Variants in DNAH14 observed in about 807,000 individuals in gnomAD.
The protein encoded by DNAH14 is dynein axonemal heavy chain 14, also known as axonemal beta dynein heavy chain 14.
DNAH14 carries 478 observed loss-of-function variants against 520.9 expected under a neutral mutation model. That is an observed-to-expected ratio of 0.92 (90% CI 0.85 to 0.99). DNAH14 has a LOEUF of 0.99. Among genes scored for constraint, DNAH14 ranks in the 50% least tolerant of loss-of-function variants. The probability of loss-of-function intolerance (pLI) is 0.00; values close to 1 mark genes in which losing one functional copy is unlikely to be tolerated. For missense variants in DNAH14, 4,831 were observed against 5,234.5 expected (o/e 0.92, Z 2.38); for synonymous variants, 1,581 against 1,757.2 (o/e 0.90, Z 2.51).
chr1:225,364,797 A>G lies in DNAH14; in HGVS notation c.11993A>G (p.Asn3998Ser), dbSNP rs778532331. Residue 3998 changes from asparagine to serine, a missense_variant, in exon 76 of 86, where the codon AAT becomes AGT. By Grantham distance (46) the Asn-to-Ser change is conservative. Coordinates refer to ENST00000682510, the MANE Select transcript of DNAH14 (RefSeq NM_001367479.1). ...PRLCTIVESF[N>S]SPNVTIDPEF... ...ATAAATTTTTTATTTTGCAGTTTTAATAGTCCAAACGTGACAATAGACCCT... is the reference window on the plus strand; with the variant it reads ...ATAAATTTTTTATTTTGCAGTTTTAGTAGTCCAAACGTGACAATAGACCCT... The G allele has an allele frequency of 9.7e-5, 148 of 1,531,364 alleles. No homozygotes were observed. Among genetic ancestry groups the G allele is most frequent in the Non-Finnish European group, 1.3e-4 (144 of 1,140,392 alleles). The allele number at this position is 1,531,364 out of a possible 1,614,324, so 94.9% of individuals were successfully genotyped here.
intron 48 of DNAH14, among the ~76,000 whole-genome samples, chr1:225,266,132 T>G (rs1021130149): frequency 6.6e-6 from 1 of 152,166 alleles, no homozygotes; most frequent in Non-Finnish European, 1.5e-5. Flanking sequence ...GAAATGTGTC[T>G]GAATTTTCTG....
At chr1:224,994,793 C>T (rs950537484) in intron 8 of DNAH14, among the ~76,000 whole-genome samples, 1 of 151,894 alleles carries the variant, frequency 6.6e-6, no homozygotes, top group East Asian at 1.9e-4. Context: ...TCTGTAGTGG[C>T]ATGCTTTGAA....
chr1:225,010,521 A>G (rs2064630188), intron 10 of DNAH14, among the ~76,000 whole-genome samples: 1 of 152,070 alleles, frequency 6.6e-6, no homozygotes, highest in Non-Finnish European at 1.5e-5. Context: ...GGATTTTTGC[A>G]TCGATGTTCA....
intron 21 of DNAH14, among the ~76,000 whole-genome samples, chr1:225,088,545 C>G (rs964652770): frequency 1.3e-5 from 2 of 151,912 alleles, no homozygotes; most frequent in African/African-American, 4.8e-5. Context: ...TTCAGACAAC[C>G]TACTAGACAA....
chr1:225,330,155 A>G (rs1243508011), intron 64 of DNAH14, among the ~76,000 whole-genome samples: 1 of 152,160 alleles, frequency 6.6e-6, no homozygotes, highest in Non-Finnish European at 1.5e-5. Flanking sequence ...GGCAATAACA[A>G]AATGCTGACA....
chr1:225,086,290 G>A (rs914650580), intron 21 of DNAH14, among the ~76,000 whole-genome samples: 3 of 113,512 alleles, frequency 2.6e-5, no homozygotes, highest in African/African-American at 2.7e-5. Flanking sequence ...CCGCCACGAC[G>A]CCCGGCTAAT....
intron 60 of DNAH14, among the ~76,000 whole-genome samples, chr1:225,311,879 G>A (rs886630085): frequency 2.0e-5 from 3 of 152,178 alleles, no homozygotes; most frequent in Non-Finnish European, 2.9e-5. Flanking sequence ...CAGGTAGCGT[G>A]ATGCCTCCAG....
intron 8 of DNAH14, among the ~76,000 whole-genome samples, chr1:224,992,778 G>T (rs972149268): frequency 2.0e-5 from 3 of 151,834 alleles, no homozygotes; most frequent in Non-Finnish European, 4.4e-5. Context: ...CCTTGTTTTG[G>T]GTCTCAGAAA....
intron 81 of DNAH14, among the ~76,000 whole-genome samples, chr1:225,384,025 A>G (rs2095810200): frequency 6.6e-6 from 1 of 152,222 alleles, no homozygotes; most frequent in Non-Finnish European, 1.5e-5. Context: ...CAGGATGTTC[A>G]GTTTCCATGT....
chr1:225,277,658 G>T (rs1267965992), intron 54 of DNAH14, among the ~76,000 whole-genome samples, 156 bp downstream of exon 54: 2 of 152,210 alleles, frequency 1.3e-5, no homozygotes, highest in East Asian at 3.8e-4. Context: ...TCTGCAGTTT[G>T]CATATGAAAT....
In DNAH14 at chr1:225,023,651, T is replaced by C; in HGVS notation, c.1144T>C (p.Ser382Pro). The C allele has an allele frequency of 1.9e-6, 3 of 1,545,528 alleles. No individual in the cohort carries two copies. The highest frequency in any genetic ancestry group is 2.6e-6 in the Non-Finnish European group (3 of 1,143,374). ...EKNEIKEYFESKLSEDDTTHF... is the reference protein window; with the variant it reads ...EKNEIKEYFEPKLSEDDTTHF... ...GAATGAAATCAAAGAGTATTTTGAGTCAAAACTCTCTGAAGATGACACAAC... is the reference window on the plus strand; with the variant it reads ...GAATGAAATCAAAGAGTATTTTGAGCCAAAACTCTCTGAAGATGACACAAC... Residue 382 changes from serine to proline, a missense_variant, in exon 11 of 86, where the codon TCA (serine) becomes CCA (proline). Ser to Pro is a moderately conservative substitution (Grantham distance 74). Transcript: ENST00000682510.
chr1:225,000,721 A>G (rs1467830745), intron 8 of DNAH14, among the ~76,000 whole-genome samples: 1 of 151,432 alleles, frequency 6.6e-6, no homozygotes, highest in Non-Finnish European at 1.5e-5. Context: ...TGGATTGCAT[A>G]ATTTATGTTT....
At chr1:225,335,353 G>A (rs755630340) in intron 66 of DNAH14, among the ~76,000 whole-genome samples, 1 of 39,416 alleles carries the variant, frequency 2.5e-5, no homozygotes, top group African/African-American at 1.2e-4. Context: ...GTGTGTATAT[G>A]CATATACACG....
chr1:224,943,391 CTTT>C (rs59263989), intron 1 of DNAH14, among the ~76,000 whole-genome samples: 13,890 of 151,934 alleles, frequency 0.091, 2,025 homozygotes, highest in African/African-American at 0.31. Context: ...CTCTTTTCTT[CTTT>C]ATTAGTCTTG....
intron 69 of DNAH14, among the ~76,000 whole-genome samples, chr1:225,343,326 T>C (rs564683675): frequency 1.1e-4 from 16 of 152,308 alleles, no homozygotes; most frequent in African/African-American, 3.6e-4. Flanking sequence ...TACAACTGCC[T>C]TAGTTTGGGG....
chr1:224,935,964 C>T (rs1459044501), intron 1 of DNAH14, among the ~76,000 whole-genome samples: 1 of 151,522 alleles, frequency 6.6e-6, no homozygotes, highest in Non-Finnish European at 1.5e-5. Context: ...CCCTGAATGA[C>T]CAGTGAGTCA....
At chr1:224,991,440 GAA>G (rs771994905) in intron 8 of DNAH14, among the ~76,000 whole-genome samples, 36 of 151,624 alleles carry the variant, frequency 2.4e-4, no homozygotes, top group Non-Finnish European at 4.1e-4. Context: ...CTTCTTTTGA[GAA>G]ATGTCTATTC....
intron 17 of DNAH14, among the ~76,000 whole-genome samples, chr1:225,062,158 A>C (rs1260112107): frequency 6.6e-6 from 1 of 151,874 alleles, no homozygotes; most frequent in African/African-American, 2.4e-5. Flanking sequence ...AAAATTAGTC[A>C]GGCATGGTGG....
intron 20 of DNAH14, among the ~76,000 whole-genome samples, chr1:225,085,005 TTAA>T (rs2073590966): frequency 6.6e-6 from 1 of 152,040 alleles, no homozygotes; most frequent in South Asian, 2.1e-4. Context: ...CCCACCATCC[TTAA>T]TAATTCATCT....
Sources: allele counts gnomAD v4.1 joint callset (sites outside exome capture counted in the v4.1 genomes callset), GRCh38; gene constraint gnomAD v4.1.1; transcripts MANE v1.5; gene names NCBI Gene and HGNC (gene_info 2026-07-23, HGNC 2026-07-21).